Variants in ARMC3 observed in about 807,000 individuals in gnomAD.
The protein encoded by ARMC3 is armadillo repeat containing 3.
In ARMC3, 74 loss-of-function variants were observed where a neutral mutation model predicts 90.3. The observed-to-expected ratio is 0.82, with a 90% CI of 0.68 to 0.99. The LOEUF is 0.99. Ranked by LOEUF, ARMC3 falls within the 50% of genes least tolerant of loss-of-function variation. The pLI is 0.00. For synonymous variants in ARMC3, 334 were observed against 361.8 expected (o/e 0.92, Z 0.87); for missense variants, 958 against 1,042.8 (o/e 0.92, Z 1.12).
intron 16 of ARMC3, chr10:23,014,474 T>C: frequency 9.6e-7 from 1 of 1,038,290 alleles, no homozygotes; most frequent in South Asian, 4.2e-5. Flanking sequence ...ATATTTTAAC[T>C]GCATTCGTCT....
chr10:22,980,179 AATT>A (rs1836122328), intron 8 of ARMC3, among the ~76,000 whole-genome samples: 1 of 152,178 alleles, frequency 6.6e-6, no homozygotes, highest in African/African-American at 2.4e-5. Context: ...TTGTAACCTA[AATT>A]ATTATCAGCA....
In ARMC3 at chr10:23,038,364, T is replaced by C. The variant is rs928896372; in HGVS notation, c.*885T>C. 8 of 152,308 alleles carry C rather than the reference T, an allele frequency of 5.3e-5. No homozygotes were observed. Among genetic ancestry groups the C allele is most frequent in the African/African-American group, 1.9e-4 (8 of 41,578 alleles). 9.4% of individuals were successfully genotyped at this position (152,308 alleles called of 1,614,324 possible). ...TTAATCTCGTGAAGTACATATTGCC[T>C]AGTCACGCTTAAAGTCCAGTGTTGA... On this transcript the variant is annotated 3_prime_UTR_variant, in exon 19 of 19. Coordinates refer to ENST00000298032, the MANE Select transcript of ARMC3 (RefSeq NM_173081.5).
At chr10:23,026,004 A>T (rs1838702800) in intron 16 of ARMC3, among the ~76,000 whole-genome samples, 2 of 152,142 alleles carry the variant, frequency 1.3e-5, no homozygotes, top group Non-Finnish European at 2.9e-5. Context: ...CCAATTATTT[A>T]TCAAAAACTA....
At chr10:22,982,567 T>C (rs866305397) in intron 10 of ARMC3, among the ~76,000 whole-genome samples, 1 of 152,336 alleles carries the variant, frequency 6.6e-6, no homozygotes, top group South Asian at 2.1e-4. Flanking sequence ...TTTTCCCAGG[T>C]ACACATTTTT....
chr10:23,027,958 T>C (rs1404507178), intron 16 of ARMC3, among the ~76,000 whole-genome samples: 3 of 152,074 alleles, frequency 2.0e-5, no homozygotes, highest in Non-Finnish European at 4.4e-5. Flanking sequence ...TTTGGCAACA[T>C]AGTGAGACCT....
chr10:22,956,588 G>A (rs1218032587), intron 4 of ARMC3, among the ~76,000 whole-genome samples: 2 of 151,778 alleles, frequency 1.3e-5, no homozygotes, highest in East Asian at 3.9e-4. Flanking sequence ...GGGTGACAGA[G>A]TGAGACTGTC....
At chr10:22,998,438 T>C in intron 11 of ARMC3, 41 bp downstream of exon 11, 1 of 1,604,878 alleles carries the variant, frequency 6.2e-7, no homozygotes, top group Non-Finnish European at 8.5e-7. Context: ...TTTTTCTGGT[T>C]AGTACCTACT....
chr10:22,973,248 G>T (rs889987067), intron 8 of ARMC3, among the ~76,000 whole-genome samples: 1 of 151,232 alleles, frequency 6.6e-6, no homozygotes, highest in African/African-American at 2.4e-5. Context: ...GCAGTGAGAT[G>T]TGATCATCCC....
intron 8 of ARMC3, among the ~76,000 whole-genome samples, chr10:22,974,010 G>A (rs778584664): frequency 1.8e-4 from 28 of 151,716 alleles, no homozygotes; most frequent in African/African-American, 3.1e-4. Context: ...CACCCACCTC[G>A]GCCTCCCAGA....
At chr10:22,937,467 T>C (rs1834155801) in intron 2 of ARMC3, among the ~76,000 whole-genome samples, 1 of 152,184 alleles carries the variant, frequency 6.6e-6, no homozygotes, top group South Asian at 2.1e-4. Context: ...CTGTTTTAGA[T>C]GTGGGTTGGT....
rs377218896 is a variant in ARMC3 at position 22,959,189 on chromosome 10, C to T, written c.361+51C>T. 6 of 1,461,608 alleles carry T rather than the reference C, an allele frequency of 4.1e-6. No individual in the cohort carries two copies. In the Admixed American group the frequency reaches 5.1e-5, roughly 12 times the overall value. The allele number at this position is 1,461,608 out of a possible 1,614,324, so 90.5% of individuals were successfully genotyped here. A position where few individuals can be genotyped will look rare whatever the true frequency, so the allele number is the denominator to read the frequency against. On this transcript the variant is annotated intron_variant, in intron 5 of 18. Transcript: ENST00000298032. ...TAAAAAATGGAACTGGTTTTTTACACTTGATTAAACTATATATTGAAAATC... is the reference window on the plus strand; with the variant it reads ...TAAAAAATGGAACTGGTTTTTTACATTTGATTAAACTATATATTGAAAATC...
At position 23,033,655 on chromosome 10, in the gene ARMC3, T is replaced by C. The variant is rs192860436; in HGVS notation, c.2409+632T>C. Among the ~76,000 whole-genome samples, 29 of 152,228 alleles carry C rather than the reference T, an allele frequency of 1.9e-4. No homozygotes were observed. In the East Asian group the frequency reaches 4.4e-3, roughly 23 times the overall value. The stretch of plus-strand genomic sequence containing the variant: ...ATTTTATTACCCTAAAATATAACAG[T>C]AGCCATTGAAAGTTTTCAAGAGGGT... On this transcript the variant is annotated intron_variant, in intron 18 of 18. Transcript: ENST00000298032.
At chr10:22,955,684 A>G in intron 3 of ARMC3, 123 bp from the exon 4 acceptor site, 1 of 1,190,020 alleles carries the variant, frequency 8.4e-7, no homozygotes, top group Non-Finnish European at 1.2e-6. Flanking sequence ...TGAGGGAAAT[A>G]CGAACGGAAG....
At chr10:22,954,335 G>C (rs912202952) in intron 3 of ARMC3, among the ~76,000 whole-genome samples, 1 of 151,870 alleles carries the variant, frequency 6.6e-6, no homozygotes, top group African/African-American at 2.4e-5. Context: ...AAATTTTCTA[G>C]ACTTTTTTTC....
intron 3 of ARMC3, among the ~76,000 whole-genome samples, chr10:22,953,340 A>T (rs1834805772): frequency 1.3e-5 from 2 of 152,214 alleles, no homozygotes; most frequent in Non-Finnish European, 2.9e-5. Context: ...ACCATAAGAT[A>T]ATAAATTTGT....
At chr10:22,992,822 T>G (rs1020756250) in intron 10 of ARMC3, among the ~76,000 whole-genome samples, 23 of 152,206 alleles carry the variant, frequency 1.5e-4, no homozygotes, top group African/African-American at 5.1e-4. Context: ...AATCTGGCTG[T>G]GATAACCAGG....
chr10:23,032,833 C>A, intron 17 of ARMC3, 28 bp from the exon 18 acceptor site: 1 of 1,588,080 alleles, frequency 6.3e-7, no homozygotes, highest in Non-Finnish European at 8.6e-7. Context: ...TAAAATTGAC[C>A]GATTTGATCT....
chr10:22,965,948 AC>A (rs1380446330), intron 7 of ARMC3, among the ~76,000 whole-genome samples: 15 of 152,180 alleles, frequency 9.9e-5, no homozygotes, highest in African/African-American at 3.6e-4. Flanking sequence ...CCTGTCCCTA[AC>A]AGAGTAGATT....
intron 10 of ARMC3, among the ~76,000 whole-genome samples, chr10:22,991,584 G>C (rs1836711314): frequency 6.6e-6 from 1 of 152,092 alleles, no homozygotes; most frequent in Non-Finnish European, 1.5e-5. Flanking sequence ...TTTCAGTCAG[G>C]GAGGCCAGCA....
Sources: gnomAD v4.1 joint callset for allele counts (sites outside exome capture counted in the v4.1 genomes callset) on GRCh38, gnomAD v4.1.1 for gene constraint, MANE v1.5 for transcripts, NCBI Gene and HGNC (gene_info 2026-07-23, HGNC 2026-07-21) for gene names.